Variants in UTP20 observed in about 807,000 individuals in gnomAD.
UTP20 encodes UTP20 small subunit processome component.
Under a neutral mutation model 329.5 loss-of-function variants are expected in UTP20, and 164 were observed. The observed-to-expected ratio is 0.50, with a 90% confidence interval of 0.44 to 0.57. UTP20 has a LOEUF of 0.57. Ranked by LOEUF, UTP20 falls within the 20% of genes least tolerant of loss-of-function variation. UTP20 has a pLI of 0.00. For missense variants in UTP20, 3,055 were observed against 3,284.2 expected, an observed-to-expected ratio of 0.93 and a Z score of 1.71; for synonymous variants, 1,151 against 1,159.3, an observed-to-expected ratio of 0.99 and a Z score of 0.14.
chr12:101,381,603 A>G (rs1479219420), intron 58 of UTP20, among the ~76,000 whole-genome samples: 1 of 152,194 alleles, frequency 6.6e-6, no homozygotes, highest in Non-Finnish European at 1.5e-5. Context: ...TTTGTTTTGA[A>G]CCTATCTTAA....
At position 101,290,221 on chromosome 12, in the gene UTP20, C is replaced by A; in HGVS notation, c.682C>A (p.Leu228Ile). 6.2e-7 allele frequency: 1 copy of A among 1,608,260 alleles called. No homozygotes were observed. The highest frequency in any genetic ancestry group is 8.5e-7 in the Non-Finnish European group (1 of 1,177,190). The change falls in exon 7 of 62, where the codon CTC becomes ATC. Residue 228 changes from leucine (L) to isoleucine (I), a missense_variant. By Grantham distance (5) the Leu-to-Ile change is conservative. Transcript: ENST00000261637. ...AAAAGTTGAAGGTGTTGGACAGTTG[C>A]TCTTTGAAATGTGCAAAGGAGTTAG... The part of the protein sequence containing the change: ...PEKVEGVGQL[L>I]FEMCKGVRNM...
chr12:101,356,284 G>A lies in UTP20; in HGVS notation c.5395-270G>A, dbSNP rs185998989. On this transcript the variant is annotated intron_variant, in intron 41 of 61. Coordinates refer to ENST00000261637, the MANE Select transcript of UTP20 (RefSeq NM_014503.3). ...TGGGATTACAGGCATGCACCACCAC[G>A]CCCGGCTAATTTTGTATTTTTAGTA... Among the ~76,000 whole-genome samples, 498 of 152,082 alleles carry A rather than the reference G, an allele frequency of 3.3e-3. 2 individuals are homozygous for A. The highest frequency in any genetic ancestry group is 0.011 in the African/African-American group (449 of 41,500).
In UTP20 at chr12:101,327,247, G is replaced by T; in HGVS notation, c.3208G>T (p.Gly1070Ter). 6.3e-7 allele frequency: 1 copy of T among 1,587,358 alleles called. No individual in the cohort carries two copies. The highest frequency in any genetic ancestry group is 8.6e-7 in the Non-Finnish European group (1 of 1,159,720). ...TGAACCTGTGAGGCATTTCAAGAAT[G>T]GTAACTATCAGCTACCTCTCACTCT... ...LFEPVRHFKN[G>*]ECHSAVIQAV... Residue 1070 changes from glycine (G) to a stop codon, truncating the protein, a stop_gained and splice_region_variant, in exon 26 of 62, where the codon GGA becomes TGA. Coordinates refer to ENST00000261637, the MANE Select transcript of UTP20 (RefSeq NM_014503.3). LOFTEE classifies it high-confidence loss of function.
At chr12:101,382,894 T>A in intron 58 of UTP20, 147 bp from the exon 59 acceptor site, 2 of 858,286 alleles carry the variant, frequency 2.3e-6, no homozygotes, top group Non-Finnish European at 3.3e-6. Flanking sequence ...GGAGCCTTCA[T>A]CATTTAATAG....
chr12:101,381,111 G>A (rs2121061168), intron 57 of UTP20, 29 bp from the exon 58 acceptor site: 1 of 1,557,554 alleles, frequency 6.4e-7, no homozygotes, highest in Non-Finnish European at 8.9e-7. Flanking sequence ...CCTGTGTTTT[G>A]TCTACCAATG....
Position 101,354,869 on chromosome 12 carries a change from C to A in UTP20, c.5145C>A (p.Ala1715=), listed in dbSNP as rs752642221. ...IEAIELPEPE[A]MELERVDEEE... Reference sequence around the variant, plus strand: ...CAATTGAGTTACCAGAGCCTGAGGCCATGGAATTAGAGCGTGTGGATGAGG... The same window carrying A: ...CAATTGAGTTACCAGAGCCTGAGGCAATGGAATTAGAGCGTGTGGATGAGG... Residue 1715 remains alanine, a synonymous_variant, in exon 41 of 62, where the codon GCC becomes GCA. Coordinates refer to ENST00000261637, the MANE Select transcript of UTP20 (RefSeq NM_014503.3). 1 of 1,614,052 alleles carries A rather than the reference C, an allele frequency of 6.2e-7. No individual in the cohort carries two copies. Among genetic ancestry groups the A allele is most frequent in the Admixed American group, 1.7e-5 (1 of 60,006 alleles).
chr12:101,347,561 A>G (rs1358360398), intron 38 of UTP20, among the ~76,000 whole-genome samples: 1 of 152,214 alleles, frequency 6.6e-6, no homozygotes, highest in Non-Finnish European at 1.5e-5. Flanking sequence ...AAATGATCAT[A>G]GAAATTCAAA....
intron 31 of UTP20, among the ~76,000 whole-genome samples, chr12:101,339,986 G>A (rs544520887): frequency 1.8e-4 from 27 of 152,320 alleles, no homozygotes; most frequent in African/African-American, 6.5e-4. Flanking sequence ...CTATGTAGTA[G>A]TAGAAGGATG....
At position 101,345,787 on chromosome 12, in the gene UTP20, CAA is replaced by C. The variant is rs142368780; in HGVS notation, c.4746+97_4746+98del. 4.1e-3 allele frequency: 5,120 copies of C among 1,237,286 alleles called. 184 individuals carry two copies. The African/African-American group carries it at 0.072, about 17-fold the overall frequency. 76.6% of individuals were successfully genotyped at this position (1,237,286 alleles called of 1,614,324 possible). ...TTTGGAAAGACATGTTTTAACTTTC[CAA>C]AAAGGTTTAAGCTTCTCTTTCCTTG... On this transcript the variant is annotated intron_variant, in intron 37 of 61. Transcript: ENST00000261637.
chr12:101,376,522 C>A (rs188256108), intron 56 of UTP20, among the ~76,000 whole-genome samples: 1 of 151,920 alleles, frequency 6.6e-6, no homozygotes, highest in East Asian at 1.9e-4. Context: ...TGTAGGCATT[C>A]GTAACAGGGT....
intron 2 of UTP20, among the ~76,000 whole-genome samples, chr12:101,282,229 G>T (rs1331667483): frequency 6.6e-6 from 1 of 152,164 alleles, no homozygotes; most frequent in African/African-American, 2.4e-5. Context: ...TGTGCTTTGA[G>T]AACTCATAGT....
intron 15 of UTP20, among the ~76,000 whole-genome samples, chr12:101,302,980 T>A (rs986956880): frequency 2.6e-5 from 4 of 152,054 alleles, no homozygotes; most frequent in African/African-American, 4.8e-5. Flanking sequence ...TCCAGTTTCT[T>A]TTTTTTTGTT....
Position 101,336,918 on chromosome 12 carries a change from G to T in UTP20, c.3642-1133G>T, listed in dbSNP as rs570168465. On this transcript the variant is annotated intron_variant, in intron 29 of 61. Transcript: ENST00000261637. ...GGTTTGGTCACTGGGAAGTTGCATT[G>T]TATCTGAATGGGCTCTTGCTAGGAC... Among the ~76,000 whole-genome samples the T allele has an allele frequency of 1.0e-3, 152 of 152,350 alleles. 1 individual carries two copies. The highest frequency in any genetic ancestry group is 3.5e-3 in the African/African-American group (145 of 41,584).
chr12:101,349,338 G>C (rs1360140978), intron 38 of UTP20, among the ~76,000 whole-genome samples: 1 of 150,078 alleles, frequency 6.7e-6, no homozygotes, highest in Non-Finnish European at 1.5e-5. Context: ...TATGATTCTT[G>C]TGCTTGGGGT....
chr12:101,296,576 A>C (rs1342116140), intron 12 of UTP20, among the ~76,000 whole-genome samples: 2 of 147,980 alleles, frequency 1.4e-5, no homozygotes, highest in Non-Finnish European at 3.0e-5. Context: ...ATCTCAAAAA[A>C]AAAAAAAGAA....
At position 101,281,582 on chromosome 12, in the gene UTP20, T is replaced by G. The variant is rs575660542; in HGVS notation, c.126+386T>G. On this transcript the variant is annotated intron_variant, in intron 2 of 61. Coordinates refer to ENST00000261637, the MANE Select transcript of UTP20 (RefSeq NM_014503.3). Reference sequence around the variant, plus strand: ...TCCTGAAGCTATAACTTTAAAGTGATTTTGAGGAAGCCCTTTTCCCGGGGC... The same window carrying G: ...TCCTGAAGCTATAACTTTAAAGTGAGTTTGAGGAAGCCCTTTTCCCGGGGC... 2.6e-5 allele frequency among the ~76,000 whole-genome samples: 4 copies of G among 152,306 alleles called. No homozygotes were observed. The South Asian group carries it at 8.3e-4, about 32-fold the overall frequency.
At chr12:101,335,431 A>G (rs925898094) in intron 29 of UTP20, among the ~76,000 whole-genome samples, 15 of 152,226 alleles carry the variant, frequency 9.9e-5, no homozygotes, top group African/African-American at 3.6e-4. Flanking sequence ...CCAGATAGTT[A>G]TATCATCACA....
chr12:101,312,976 T>G (rs1280320120), intron 21 of UTP20, among the ~76,000 whole-genome samples: 1 of 152,204 alleles, frequency 6.6e-6, no homozygotes, highest in East Asian at 1.9e-4. Context: ...CTGTTATTCA[T>G]TATTTTATTG....
At chr12:101,293,623 A>AT (rs1190338749) in intron 11 of UTP20, among the ~76,000 whole-genome samples, 1 of 152,082 alleles carries the variant, frequency 6.6e-6, no homozygotes, top group Non-Finnish European at 1.5e-5. Flanking sequence ...AATTTATTTT[A>AT]TTTTTTTCTC....
Sources: gnomAD v4.1 joint callset for allele counts (sites outside exome capture counted in the v4.1 genomes callset) on GRCh38, gnomAD v4.1.1 for gene constraint, MANE v1.5 for transcripts, NCBI Gene and HGNC (gene_info 2026-07-23, HGNC 2026-07-21) for gene names.